The following MYO1D variants were observed in gnomAD, a reference collection of about 807,000 sequenced individuals.
The protein encoded by MYO1D is myosin ID, also known as unconventional myosin-Id.
Under a neutral mutation model 122.0 loss-of-function variants are expected in MYO1D, and 83 were observed. The observed-to-expected ratio is 0.68, with a 90% confidence interval of 0.57 to 0.82. The LOEUF is 0.82. Ranked by LOEUF, MYO1D falls within the 40% of genes least tolerant of loss-of-function variation. The pLI is 0.00. For synonymous variants in MYO1D, 464 were observed against 446.9 expected (o/e 1.04, Z -0.48); for missense variants, 1,157 against 1,269.5 (o/e 0.91, Z 1.35).
At chr17:32,641,114 T>C (rs759311801) in intron 19 of MYO1D, among the ~76,000 whole-genome samples, 26 of 119,200 alleles carry the variant, frequency 2.2e-4, no homozygotes, top group South Asian at 1.8e-3. Flanking sequence ...GGCCCCGGTG[T>C]GTGATGTTCC....
chr17:32,646,853 AT>A (rs1376441373), intron 19 of MYO1D, among the ~76,000 whole-genome samples: 6 of 152,202 alleles, frequency 3.9e-5, no homozygotes, highest in Non-Finnish European at 7.3e-5. Flanking sequence ...AGATTGCATA[AT>A]TTAGCTATAT....
At chr17:32,725,236 A>C (rs2089557931) in intron 14 of MYO1D, among the ~76,000 whole-genome samples, 1 of 152,156 alleles carries the variant, frequency 6.6e-6, no homozygotes, top group African/African-American at 2.4e-5. Flanking sequence ...TAGGTGAAGA[A>C]GGCCAGGTGT....
Position 32,867,723 on chromosome 17 carries a change from G to A in MYO1D, c.95+9055C>T, listed in dbSNP as rs190876846. On this transcript the variant is annotated intron_variant, in intron 1 of 21. Coordinates refer to ENST00000318217, the MANE Select transcript of MYO1D (RefSeq NM_015194.3). Reference sequence around the variant, plus strand: ...GAGGTAGGAGAACTGCTTGAACCCAGGAGATGGAGGTTGCAGTGAGCCGAG... The same window carrying A: ...GAGGTAGGAGAACTGCTTGAACCCAAGAGATGGAGGTTGCAGTGAGCCGAG... Among the ~76,000 whole-genome samples, 48 of 147,316 alleles carry A rather than the reference G, an allele frequency of 3.3e-4. 1 individual carries two copies. Among genetic ancestry groups the A allele is most frequent in the Middle Eastern group, 7.6e-3 (2 of 262 alleles).
intron 3 of MYO1D, among the ~76,000 whole-genome samples, chr17:32,777,769 T>C (rs947196300): frequency 1.3e-5 from 2 of 151,386 alleles, no homozygotes; most frequent in Admixed American, 1.3e-4. Flanking sequence ...CCGTCTCTAC[T>C]AAAAACACAA....
chr17:32,830,456 T>C (rs944169040), intron 1 of MYO1D: 8 of 152,230 alleles, frequency 5.3e-5, no homozygotes, highest in African/African-American at 1.9e-4. Flanking sequence ...GCAAGCAGGG[T>C]AGACAGAAAG....
chr17:32,587,790 G>A (rs375906322), intron 21 of MYO1D, among the ~76,000 whole-genome samples: 22 of 152,094 alleles, frequency 1.4e-4, no homozygotes, highest in East Asian at 1.4e-3. Flanking sequence ...TGGGATTGGC[G>A]GCCCAGATGC....
At chr17:32,573,762 C>T (rs2087251981) in intron 21 of MYO1D, among the ~76,000 whole-genome samples, 1 of 152,180 alleles carries the variant, frequency 6.6e-6, no homozygotes, top group African/African-American at 2.4e-5. Flanking sequence ...TGGCCTCAAG[C>T]CATCCTTCCA....
chr17:32,714,656 T>C (rs1437040176), intron 15 of MYO1D, among the ~76,000 whole-genome samples: 2 of 152,116 alleles, frequency 1.3e-5, no homozygotes, highest in Non-Finnish European at 2.9e-5. Context: ...TCTTATACCT[T>C]ATACAAAAAC....
intron 11 of MYO1D, among the ~76,000 whole-genome samples, chr17:32,749,422 T>C (rs1449620669): frequency 2.0e-5 from 3 of 152,300 alleles, no homozygotes; most frequent in Non-Finnish European, 2.9e-5. Flanking sequence ...ACTTCTACTA[T>C]CTTATGACAC....
intron 1 of MYO1D, among the ~76,000 whole-genome samples, chr17:32,848,009 T>C (rs2090953296): frequency 6.6e-6 from 1 of 152,236 alleles, no homozygotes; most frequent in South Asian, 2.1e-4. Flanking sequence ...GTACCTGCTA[T>C]GTACAAGCTT....
At chr17:32,552,909 C>T (rs1004658220) in intron 21 of MYO1D, among the ~76,000 whole-genome samples, 7 of 152,054 alleles carry the variant, frequency 4.6e-5, no homozygotes, top group African/African-American at 1.7e-4. Context: ...GCATGAAAAA[C>T]AGCATCAACC....
chr17:32,777,487 T>C (rs1474198791), intron 3 of MYO1D, among the ~76,000 whole-genome samples: 1 of 152,172 alleles, frequency 6.6e-6, no homozygotes, highest in East Asian at 1.9e-4. Flanking sequence ...AAAGTGAGTC[T>C]TGTTGCTTTA....
At chr17:32,505,591 A>G (rs1909478142) in intron 21 of MYO1D, 1 of 152,182 alleles carries the variant, frequency 6.6e-6, no homozygotes, top group Admixed American at 6.5e-5. Flanking sequence ...GTCTGTGAAC[A>G]GGACACCAGA....
chr17:32,534,096 TAAAGTA>T (rs956519241), intron 21 of MYO1D, among the ~76,000 whole-genome samples: 48 of 152,312 alleles, frequency 3.2e-4, no homozygotes, highest in African/African-American at 1.1e-3. Context: ...TTTTTCTTTA[TAAAGTA>T]ATTTTTTAAA....
At chr17:32,679,166 G>A (rs1297607854) in intron 16 of MYO1D, among the ~76,000 whole-genome samples, 2 of 151,876 alleles carry the variant, frequency 1.3e-5, no homozygotes, top group Non-Finnish European at 2.9e-5. Flanking sequence ...TTAGCCCTTT[G>A]TCAGATGAGT....
chr17:32,778,380 T>A (rs2090200400), intron 3 of MYO1D, 100 bp downstream of exon 3: 1 of 1,105,804 alleles, frequency 9.0e-7, no homozygotes, highest in East Asian at 2.4e-5. Flanking sequence ...CCCATAGGTT[T>A]AGACCCCCAA....
chr17:32,524,564 CTT>C (rs11323072), intron 21 of MYO1D, among the ~76,000 whole-genome samples: 37 of 119,264 alleles, frequency 3.1e-4, no homozygotes, highest in Admixed American at 5.3e-4. Context: ...CTGATTAATT[CTT>C]TTTTTTTTTT....
At chr17:32,700,058 A>T (rs2089226351) in intron 16 of MYO1D, among the ~76,000 whole-genome samples, 1 of 152,218 alleles carries the variant, frequency 6.6e-6, no homozygotes, top group Admixed American at 6.5e-5. Context: ...GATTTAAAAA[A>T]ATTTTTTTAA....
At chr17:32,629,655 C>T (rs974050179) in intron 20 of MYO1D, among the ~76,000 whole-genome samples, 1 of 150,894 alleles carries the variant, frequency 6.6e-6, no homozygotes, top group Non-Finnish European at 1.5e-5. Flanking sequence ...TGCTTGAATC[C>T]GGGAGGCGGA....
Sources: gnomAD v4.1 joint callset for allele counts (sites outside exome capture counted in the v4.1 genomes callset) on GRCh38, gnomAD v4.1.1 for gene constraint, MANE v1.5 for transcripts, NCBI Gene and HGNC (gene_info 2026-07-23, HGNC 2026-07-21) for gene names.